ZNF335: variants seen among roughly 807,000 people sequenced by gnomAD.
The protein encoded by ZNF335 is NRC-interacting factor 1.
Under a neutral mutation model 145.6 loss-of-function variants are expected in ZNF335, and 84 were observed. The observed-to-expected ratio is 0.58, with a 90% CI of 0.48 to 0.69. The LOEUF is 0.69. Ranked by LOEUF, ZNF335 falls within the 30% of genes least tolerant of loss-of-function variation. ZNF335 has a pLI of 0.00. For synonymous variants in ZNF335, 761 were observed against 717.0 expected (o/e 1.06, Z -0.98); for missense variants, 1,865 against 1,809.7 (o/e 1.03, Z -0.55).
chr20:45,962,319 C>T (rs1316115796), intron 9 of ZNF335, 137 bp from the exon 10 acceptor site: 12 of 683,656 alleles, frequency 1.8e-5, no homozygotes, highest in African/African-American at 7.1e-5. Flanking sequence ...CAACACACCC[C>T]GACGCAAGGG....
chr20:45,968,740 G>A (rs1304601783), intron 3 of ZNF335: 1 of 239,306 alleles, frequency 4.2e-6, no homozygotes, highest in Non-Finnish European at 8.4e-6. Context: ...GGCTTTTTGA[G>A]GTGCTATAGC....
At position 45,968,036 on chromosome 20, in the gene ZNF335, G is replaced by C; in HGVS notation, c.521-9C>G. 6.2e-7 allele frequency: 1 copy of C among 1,612,324 alleles called. No individual in the cohort carries two copies. Among genetic ancestry groups the C allele is most frequent in the East Asian group, 2.2e-5 (1 of 44,872 alleles). ...TGATGTCATGGGGGCTCCTGGGGAT[G>C]GGTGAGGCAATTGGAGGGTGGTTAA... On this transcript the variant is annotated splice_polypyrimidine_tract_variant and intron_variant, in intron 4 of 27. Transcript: ENST00000322927.
chr20:45,949,709 G>T, intron 24 of ZNF335, 91 bp downstream of exon 24: 1 of 1,520,784 alleles, frequency 6.6e-7, no homozygotes, highest in East Asian at 2.3e-5. Context: ...CCCAGGAGGG[G>T]TGGTTTGGAA....
chr20:45,960,135 G>A (rs890543763), intron 14 of ZNF335, 73 bp downstream of exon 14: 34 of 1,546,194 alleles, frequency 2.2e-5, no homozygotes, highest in African/African-American at 5.5e-5. Flanking sequence ...GAAGAGGATG[G>A]GAGCTAAGCC....
Position 45,949,583 on chromosome 20 carries a change from G to C in ZNF335, c.3670-15C>G, listed in dbSNP as rs373445422. 1 of 1,601,720 alleles carries C rather than the reference G, an allele frequency of 6.2e-7. No homozygotes were observed. Among genetic ancestry groups the C allele is most frequent in the Non-Finnish European group, 8.5e-7 (1 of 1,175,108 alleles). Reference sequence around the variant, plus strand: ...ATATACTGCACCTGTTGGTGGGGGGGGCGGGCATGGCGAGGCAGGTGCTGA... The same window carrying C: ...ATATACTGCACCTGTTGGTGGGGGGCGCGGGCATGGCGAGGCAGGTGCTGA... On this transcript the variant is annotated splice_polypyrimidine_tract_variant and intron_variant, in intron 24 of 27. Transcript: ENST00000322927.
intron 21 of ZNF335, 28 bp downstream of exon 21, chr20:45,950,425 G>T (rs371852768): frequency 9.7e-5 from 156 of 1,613,804 alleles, no homozygotes; most frequent in Non-Finnish European, 1.3e-4. Context: ...ATGCCCAGCA[G>T]TCCCCACCCA....
In ZNF335 at chr20:45,971,454, C is replaced by T. The variant is rs1056249941; in HGVS notation, c.-44G>A. On this transcript the variant is annotated 5_prime_UTR_variant, in exon 2 of 28. Coordinates refer to ENST00000322927, the MANE Select transcript of ZNF335 (RefSeq NM_022095.4). ...GACAGCGGGGCGTAGGGTCTGGGAA[C>T]TTCACTCTGAGAAGAGAGGTGACCG... The T allele has an allele frequency of 2.5e-6, 4 of 1,592,714 alleles. No individual in the cohort carries two copies. Among genetic ancestry groups the T allele is most frequent in the Non-Finnish European group, 3.4e-6 (4 of 1,177,002 alleles).
rs1176267740 is a variant in ZNF335, at chr20:45,962,162, C to T, written c.1554G>A (p.Val518=). The T allele has an allele frequency of 6.2e-7, 1 of 1,614,132 alleles. No individual in the cohort carries two copies. The highest frequency in any genetic ancestry group is 1.7e-5 in the Admixed American group (1 of 60,026). Residue 518 remains valine, a synonymous_variant, in exon 10 of 28, where the codon GTG becomes GTA. Transcript: ENST00000322927. ...SSLKEHMFNH[V]GSKPYKCDEC... ...CGTCACACTTGTAGGGCTTGCTGCCCACGTGGTTGAACATGTGCTCCTGGG... is the reference window on the plus strand; with the variant it reads ...CGTCACACTTGTAGGGCTTGCTGCCTACGTGGTTGAACATGTGCTCCTGGG...
intron 10 of ZNF335, 55 bp from the exon 11 acceptor site, chr20:45,960,937 C>T: frequency 6.2e-7 from 1 of 1,607,356 alleles, no homozygotes; most frequent in South Asian, 1.1e-5. Flanking sequence ...CCACTCTAGA[C>T]CCTCTCACAC....
intron 16 of ZNF335, 51 bp downstream of exon 16, chr20:45,957,784 C>G (rs778206585): frequency 6.2e-7 from 1 of 1,608,410 alleles, no homozygotes; most frequent in Non-Finnish European, 8.5e-7. Context: ...TGCCCCTGCC[C>G]AACTCAGAGG....
intron 20 of ZNF335, among the ~76,000 whole-genome samples, chr20:45,951,371 G>A (rs1300230823): frequency 2.0e-5 from 3 of 152,228 alleles, no homozygotes; most frequent in Non-Finnish European, 4.4e-5. Flanking sequence ...ACCTGCCCCA[G>A]AACTGGCCCA....
chr20:45,948,952 C>G lies in ZNF335; in HGVS notation c.*1G>C, dbSNP rs1600514861. On this transcript the variant is annotated 3_prime_UTR_variant, in exon 28 of 28. Coordinates refer to ENST00000322927, the MANE Select transcript of ZNF335 (RefSeq NM_022095.4). ...CATGATCTGTGTTGGGCCCTCGGGG[C>G]TCAGTCATCGGCCAGGGTGATGACG... The G allele has an allele frequency of 6.2e-7, 1 of 1,613,872 alleles. No homozygotes were observed. The highest frequency in any genetic ancestry group is 8.5e-7 in the Non-Finnish European group (1 of 1,180,028).
intron 24 of ZNF335, 101 bp from the exon 25 acceptor site, chr20:45,949,669 G>T: frequency 7.0e-7 from 1 of 1,434,686 alleles, no homozygotes; most frequent in Non-Finnish European, 9.6e-7. Flanking sequence ...ACAGCCACCA[G>T]CAACAATGCA....
intron 1 of ZNF335, 142 bp from the exon 2 acceptor site, chr20:45,971,602 G>A: frequency 1.4e-6 from 2 of 1,436,312 alleles, no homozygotes; most frequent in South Asian, 3.0e-5. Context: ...CTGGTGTATT[G>A]CGAGGGGAGC....
chr20:45,967,365 T>C, intron 6 of ZNF335, 129 bp downstream of exon 6: 1 of 1,437,038 alleles, frequency 7.0e-7, no homozygotes, highest in East Asian at 2.3e-5. Context: ...CAACCTCCTC[T>C]GTCTTATACT....
Position 45,962,061 on chromosome 20 carries a change from C to A in ZNF335, c.1646+9G>T, listed in dbSNP as rs539730471. Reference sequence around the variant, plus strand: ...CTCTTGCCCAGGTCCCTCCCACCCCCACACTGACCGGTCCCGGCTGTGCAC... The same window carrying A: ...CTCTTGCCCAGGTCCCTCCCACCCCAACACTGACCGGTCCCGGCTGTGCAC... On this transcript the variant is annotated intron_variant, in intron 10 of 27. Coordinates refer to ENST00000322927, the MANE Select transcript of ZNF335 (RefSeq NM_022095.4). 3.1e-6 allele frequency: 5 copies of A among 1,611,256 alleles called. No individual in the cohort carries two copies. The highest frequency in any genetic ancestry group is 3.4e-6 in the Non-Finnish European group (4 of 1,178,418).
chr20:45,969,924 G>C, intron 2 of ZNF335: 91 of 432,402 alleles, frequency 2.1e-4, no homozygotes, highest in East Asian at 2.5e-4. Context: ...AAAAATAAGA[G>C]AAGGGACTCC....
chr20:45,956,332 G>A (rs2083728407), intron 17 of ZNF335, among the ~76,000 whole-genome samples: 2 of 151,706 alleles, frequency 1.3e-5, no homozygotes, highest in Middle Eastern at 3.2e-3. Flanking sequence ...GGGTTCAAGC[G>A]ATTCTCCTGC....
At chr20:45,960,015 C>T (rs936360902) in intron 14 of ZNF335, among the ~76,000 whole-genome samples, 193 bp downstream of exon 14, 1 of 152,224 alleles carries the variant, frequency 6.6e-6, no homozygotes, top group African/African-American at 2.4e-5. Flanking sequence ...CAGAGAACAA[C>T]CAGCCAAGCA....
Sources: gnomAD v4.1 joint callset for allele counts (sites outside exome capture counted in the v4.1 genomes callset) on GRCh38, gnomAD v4.1.1 for gene constraint, MANE v1.5 for transcripts, NCBI Gene and HGNC (gene_info 2026-07-23, HGNC 2026-07-21) for gene names.